The following MDM2 variants were observed in gnomAD, a reference collection of about 807,000 sequenced individuals.
The protein encoded by MDM2 is MDM2 proto-oncogene.
Under a neutral mutation model 64.3 loss-of-function variants are expected in MDM2, and 11 were observed. That is an observed-to-expected ratio of 0.17 (90% CI 0.11 to 0.28). The LOEUF (loss-of-function observed/expected upper bound fraction) is 0.28, where lower values mean the gene tolerates loss of function less well. Among genes scored for constraint, MDM2 ranks in the 10% least tolerant of loss-of-function variants. MDM2 has a pLI of 1.00. For missense variants in MDM2, 388 were observed against 577.1 expected (o/e 0.67, Z 3.36); for synonymous variants, 194 against 192.9 (o/e 1.01, Z -0.05).
rs753298202 is a variant in MDM2, at chr12:68,839,554, A to T, written c.1199A>T (p.Tyr400Phe). The T allele has an allele frequency of 1.2e-6, 2 of 1,614,052 alleles. No homozygotes were observed. The highest frequency in any genetic ancestry group is 1.6e-4 in the Middle Eastern group (1 of 6,062). ...QASQSQESED[Y>F]SQPSTSSSII... ...TCACAATCACAAGAAAGTGAAGACT[A>T]TTCTCAGCCATCAACTTCTAGTAGC... The change falls in exon 11 of 11, where the codon TAT (tyrosine) becomes TTT (phenylalanine). Residue 400 changes from tyrosine (Y) to phenylalanine (F), a missense_variant. By Grantham distance (22) the Tyr-to-Phe change is conservative. Transcript: ENST00000258149.
rs901141692 is a variant in MDM2 at position 68,820,437 on chromosome 12, A to T, written c.358+63A>T. The T allele has an allele frequency of 5.0e-6, 6 of 1,188,882 alleles. No individual in the cohort carries two copies. The African/African-American group carries it at 9.3e-5, about 18-fold the overall frequency. The allele number at this position is 1,188,882 out of a possible 1,614,324, so 73.6% of individuals were successfully genotyped here. On this transcript the variant is annotated intron_variant, in intron 5 of 10. Transcript: ENST00000258149. ...AAACGTTTTAAAGACATTTTTGTTT[A>T]TGTGCATATGTTTTATAATTGTGAT...
In MDM2 at chr12:68,823,979, AC is replaced by A. The variant is rs201775868; in HGVS notation, c.359-383del. ...AACTGTTGTTAGTTTGCTTTTGGAT[AC>A]TTTTTCACATGGCGTTTTCTTGGTC... is the stretch of plus-strand genomic sequence containing the variant. On this transcript the variant is annotated intron_variant, in intron 5 of 10. Transcript: ENST00000258149. Among the ~76,000 whole-genome samples the A allele has an allele frequency of 1.2e-4, 18 of 152,170 alleles. No individual in the cohort carries two copies. In the East Asian group the frequency reaches 3.3e-3, roughly 28 times the overall value.
intron 7 of MDM2, among the ~76,000 whole-genome samples, chr12:68,825,799 C>A (rs1882269067): frequency 6.6e-6 from 1 of 152,134 alleles, no homozygotes; most frequent in African/African-American, 2.4e-5. Context: ...ATCAGTGAAA[C>A]AGAATAAATG....
At chr12:68,836,980 G>T (rs1883360691) in intron 10 of MDM2, among the ~76,000 whole-genome samples, 2 of 148,998 alleles carry the variant, frequency 1.3e-5, no homozygotes, top group Non-Finnish European at 1.5e-5. Flanking sequence ...TTTTAAACAG[G>T]GTCTTACCCT....
At chr12:68,834,856 A>G (rs1236361840) in intron 8 of MDM2, among the ~76,000 whole-genome samples, 1 of 152,198 alleles carries the variant, frequency 6.6e-6, no homozygotes, top group Non-Finnish European at 1.5e-5. Context: ...TTCTGCTTAT[A>G]TATGCTCCTA....
At chr12:68,811,599 A>AG (rs1880898380) in intron 2 of MDM2, among the ~76,000 whole-genome samples, 2 of 135,254 alleles carry the variant, frequency 1.5e-5, no homozygotes, top group Admixed American at 1.5e-4. Flanking sequence ...TTTCCATTAC[A>AG]GATTTTTTTT....
At chr12:68,808,592 G>A (rs1880571308) in intron 1 of MDM2, 101 bp downstream of exon 1, 2 of 1,546,434 alleles carry the variant, frequency 1.3e-6, no homozygotes, top group South Asian at 1.2e-5. Flanking sequence ...CCTTTGTGCG[G>A]TTCGTGGCTG....
rs1883727613 is a variant in MDM2 at position 68,841,012 on chromosome 12, T to C, written c.*1163T>C. On this transcript the variant is annotated 3_prime_UTR_variant, in exon 11 of 11. Coordinates refer to ENST00000258149, the MANE Select transcript of MDM2 (RefSeq NM_002392.6). The stretch of plus-strand genomic sequence containing the variant: ...GGCATGTACCACCATACCAGCTGAT[T>C]TTTTTGTATTTTTAGTAAAGACAGG... The C allele has an allele frequency of 5.7e-6, 1 of 175,042 alleles. No homozygotes were observed. Among genetic ancestry groups the C allele is most frequent in the African/African-American group, 2.4e-5 (1 of 41,496 alleles). 10.8% of individuals were successfully genotyped at this position (175,042 alleles called of 1,614,324 possible). A position where few individuals can be genotyped will look rare whatever the true frequency, so the allele number is the denominator to read the frequency against.
downstream of MDM2, chr12:68,849,267 TTC>T (rs1469912073): frequency 1.3e-5 from 2 of 151,508 alleles, no homozygotes; most frequent in Admixed American, 6.6e-5. Flanking sequence ...TTTTTGTATT[TTC>T]AGTAGAGACG....
At chr12:68,847,759 C>T (rs1884433742), downstream of MDM2, 1 of 152,160 alleles carries the variant, frequency 6.6e-6, no homozygotes, top group Non-Finnish European at 1.5e-5. Flanking sequence ...AGCCGTATCT[C>T]CTTTCAAATG....
At chr12:68,815,395 G>GTAAAAA (rs1881266143) in intron 3 of MDM2, among the ~76,000 whole-genome samples, 1 of 148,806 alleles carries the variant, frequency 6.7e-6, no homozygotes, top group East Asian at 2.0e-4. Flanking sequence ...AAAGAGCGTT[G>GTAAAAA]GATTAAGAGT....
chr12:68,836,126 T>G (rs553773055), intron 9 of MDM2, 142 bp downstream of exon 9: 3 of 713,862 alleles, frequency 4.2e-6, no homozygotes, highest in African/African-American at 3.6e-5. Context: ...CACATTGGTT[T>G]GTGGACTTGA....
In MDM2 at chr12:68,835,987, A is replaced by G; in HGVS notation, c.840+3A>G. The G allele has an allele frequency of 6.3e-7, 1 of 1,592,126 alleles. No individual in the cohort carries two copies. Among genetic ancestry groups the G allele is most frequent in the Non-Finnish European group, 8.5e-7 (1 of 1,170,062 alleles). On this transcript the variant is annotated splice_donor_region_variant and intron_variant, in intron 9 of 10. Transcript: ENST00000258149. The stretch of plus-strand genomic sequence containing the variant: ...AACTCTCAGATGAAGATGATGAGGT[A>G]GTATTTTTTTTCCCCTCTAATTATA...
chr12:68,817,774 T>C lies in MDM2; in HGVS notation c.308+829T>C, dbSNP rs181962764. On this transcript the variant is annotated intron_variant, in intron 4 of 10. Transcript: ENST00000258149. ...ATCTGAAAAAAAAATTTTTTTAATA[T>C]ATATTTTTCTAAAATTATTCTTTTT... Among the ~76,000 whole-genome samples the C allele has an allele frequency of 1.5e-3, 226 of 152,086 alleles. 1 individual carries two copies. The highest frequency in any genetic ancestry group is 2.6e-3 in the Non-Finnish European group (180 of 67,990).
At position 68,824,608 on chromosome 12, in the gene MDM2, T is replaced by C. The variant is rs1473734933; in HGVS notation, c.480T>C (p.Ser160=). The part of the protein sequence containing the change: ...EEKPSSSHLV[S]RPSTSSRRRA... Reference sequence around the variant, plus strand: ...AACCTTCATCTTCACATTTGGTTTCTAGACCATCTACCTCATCTAGAAGGA... The same window carrying C: ...AACCTTCATCTTCACATTTGGTTTCCAGACCATCTACCTCATCTAGAAGGA... The change falls in exon 7 of 11, where the codon TCT becomes TCC. Residue 160 remains serine, a synonymous_variant. Coordinates refer to ENST00000258149, the MANE Select transcript of MDM2 (RefSeq NM_002392.6). The C allele has an allele frequency of 6.2e-7, 1 of 1,613,442 alleles. No individual in the cohort carries two copies. Among genetic ancestry groups the C allele is most frequent in the South Asian group, 1.1e-5 (1 of 91,014 alleles).
In MDM2 at chr12:68,813,536, G is replaced by A. The variant is rs527558690; in HGVS notation, c.100-18G>A. 40 of 1,591,092 alleles carry A rather than the reference G, an allele frequency of 2.5e-5. No homozygotes were observed. The South Asian group carries it at 4.4e-4, about 17-fold the overall frequency. On this transcript the variant is annotated intron_variant, in intron 2 of 10. Transcript: ENST00000258149. ...GGATAATTTTGGAAGTATAATAGCA[G>A]TTCTTTTCTCTTTATAGGTTAGACC... is the stretch of plus-strand genomic sequence containing the variant.
At chr12:68,810,586 C>G in intron 2 of MDM2, among the ~76,000 whole-genome samples, 1 of 151,614 alleles carries the variant, frequency 6.6e-6, no homozygotes, top group East Asian at 2.0e-4. Context: ...CTCAGCCTCC[C>G]GAGTAGCTGG....
Position 68,844,804 on chromosome 12 carries a change from T to C in MDM2, c.*4955T>C, listed in dbSNP as rs979543688. Reference sequence around the variant, plus strand: ...TTTTTTGAGACGGAGTCTTGCTCTGTGGCTCAGGCTGGAGTACAGTGGTGC... The same window carrying C: ...TTTTTTGAGACGGAGTCTTGCTCTGCGGCTCAGGCTGGAGTACAGTGGTGC... On this transcript the variant is annotated 3_prime_UTR_variant, in exon 11 of 11. Transcript: ENST00000258149. 3 of 200,586 alleles carry C rather than the reference T, an allele frequency of 1.5e-5. No individual in the cohort carries two copies. Among genetic ancestry groups the C allele is most frequent in the African/African-American group, 6.9e-5 (3 of 43,438 alleles). The allele number at this position is 200,586 out of a possible 1,614,324, so 12.4% of individuals were successfully genotyped here.
chr12:68,834,087 AGATATG>A (rs1258727632), intron 8 of MDM2, among the ~76,000 whole-genome samples: 1 of 152,196 alleles, frequency 6.6e-6, no homozygotes, highest in Non-Finnish European at 1.5e-5. Context: ...AAACTGATAC[AGATATG>A]GAAATCATTT....
Sources: allele counts gnomAD v4.1 joint callset (sites outside exome capture counted in the v4.1 genomes callset), GRCh38; gene constraint gnomAD v4.1.1; transcripts MANE v1.5; gene names NCBI Gene and HGNC (gene_info 2026-07-23, HGNC 2026-07-21).